The following ZNF385D variants were observed in gnomAD, a reference collection of about 807,000 sequenced individuals.
The protein encoded by ZNF385D is zinc finger protein 385D, also known as zinc finger protein 659.
In ZNF385D, 15 loss-of-function variants were observed where a neutral mutation model predicts 35.8. The observed-to-expected ratio is 0.42, with a 90% CI of 0.28 to 0.64. ZNF385D has a LOEUF of 0.64. Ranked by LOEUF, ZNF385D falls within the 30% of genes least tolerant of loss-of-function variation. ZNF385D has a pLI of 0.23. For synonymous variants in ZNF385D, 212 were observed against 186.8 expected (o/e 1.13, Z -1.10); for missense variants, 474 against 494.6 (o/e 0.96, Z 0.39).
chr3:22,125,111 G>A (rs57587134), intron 3 of ZNF385D, among the ~76,000 whole-genome samples: 3,243 of 152,168 alleles, frequency 0.021, 114 homozygotes, highest in African/African-American at 0.075. Flanking sequence ...AAAGATAGCA[G>A]CTAGTCCCAT....
intron 2 of ZNF385D, among the ~76,000 whole-genome samples, chr3:21,612,674 T>C (rs572658654): frequency 1.3e-5 from 2 of 152,218 alleles, no homozygotes; most frequent in Non-Finnish European, 1.5e-5. Flanking sequence ...AGAGAAACCA[T>C]TGACTCAGAA....
intron 1 of ZNF385D, among the ~76,000 whole-genome samples, chr3:21,675,358 T>C (rs2066693001): frequency 6.6e-6 from 1 of 152,056 alleles, no homozygotes; most frequent in South Asian, 2.1e-4. Context: ...GCAATATTAT[T>C]TCTGCTTCCA....
chr3:21,473,280 C>A, intron 4 of ZNF385D, among the ~76,000 whole-genome samples: 1 of 151,976 alleles, frequency 6.6e-6, no homozygotes, highest in East Asian at 1.9e-4. Flanking sequence ...GGCTCAGCAC[C>A]CATGCCAAAG....
intron 3 of ZNF385D, among the ~76,000 whole-genome samples, chr3:21,781,025 C>A (rs2071468077): frequency 6.6e-6 from 1 of 151,910 alleles, no homozygotes. Context: ...GTTTTGGATC[C>A]CCCATAATTG....
At chr3:22,162,347 T>A (rs151058040) in intron 3 of ZNF385D, among the ~76,000 whole-genome samples, 35 of 152,168 alleles carry the variant, frequency 2.3e-4, no homozygotes, top group Non-Finnish European at 4.1e-4. Flanking sequence ...TACATCTGTA[T>A]AGAAAATCTA....
intron 4 of ZNF385D, among the ~76,000 whole-genome samples, chr3:21,471,883 C>G (rs1703919825): frequency 6.6e-6 from 1 of 151,930 alleles, no homozygotes; most frequent in Non-Finnish European, 1.5e-5. Context: ...TGGAAGAAAA[C>G]ATAATAATTA....
At chr3:22,061,152 T>A (rs1470798074) in intron 3 of ZNF385D, among the ~76,000 whole-genome samples, 1 of 152,152 alleles carries the variant, frequency 6.6e-6, no homozygotes, top group African/African-American at 2.4e-5. Context: ...TTGCAAAGAA[T>A]TATTCTCTCA....
At chr3:21,908,686 T>G (rs1395811784) in intron 3 of ZNF385D, among the ~76,000 whole-genome samples, 1 of 151,974 alleles carries the variant, frequency 6.6e-6, no homozygotes, top group Non-Finnish European at 1.5e-5. Flanking sequence ...CAGAAGAAAT[T>G]CCAGGGAAAG....
chr3:22,139,504 C>T (rs1285459304), intron 3 of ZNF385D, among the ~76,000 whole-genome samples: 1 of 151,850 alleles, frequency 6.6e-6, no homozygotes, highest in Admixed American at 6.6e-5. Context: ...TCTCAGCAAA[C>T]TATTGCAAGG....
intron 3 of ZNF385D, among the ~76,000 whole-genome samples, chr3:21,864,317 T>C (rs558933583): frequency 5.3e-4 from 81 of 152,182 alleles, no homozygotes; most frequent in Non-Finnish European, 9.9e-4. Flanking sequence ...CCATTTACGG[T>C]AAAAAGGGAA....
intron 2 of ZNF385D, among the ~76,000 whole-genome samples, chr3:22,306,919 A>G (rs895078817): frequency 6.6e-6 from 1 of 152,306 alleles, no homozygotes; most frequent in African/African-American, 2.4e-5. Context: ...CATAAAACAC[A>G]GTCCCAGAAA....
chr3:22,336,552 A>C (rs1695168214), intron 2 of ZNF385D, among the ~76,000 whole-genome samples: 1 of 152,058 alleles, frequency 6.6e-6, no homozygotes, highest in African/African-American at 2.4e-5. Flanking sequence ...TACAGAGGAA[A>C]TTATGTATTT....
intron 3 of ZNF385D, among the ~76,000 whole-genome samples, chr3:22,026,854 C>G (rs1469206048): frequency 2.0e-5 from 3 of 152,190 alleles, no homozygotes; most frequent in Admixed American, 2.0e-4. Context: ...CGTCCCCATT[C>G]AACTATTTCA....
chr3:22,235,624 A>G (rs1052574267), intron 2 of ZNF385D, among the ~76,000 whole-genome samples: 1 of 152,134 alleles, frequency 6.6e-6, no homozygotes, highest in African/African-American at 2.4e-5. Context: ...TGATCTGTGC[A>G]GAGAATTTCT....
chr3:21,675,969 T>G (rs1052022586), intron 1 of ZNF385D, among the ~76,000 whole-genome samples: 6 of 152,126 alleles, frequency 3.9e-5, no homozygotes, highest in Non-Finnish European at 8.8e-5. Flanking sequence ...TTCACTTGAT[T>G]GTGAATGTTT....
intron 3 of ZNF385D, among the ~76,000 whole-genome samples, chr3:22,015,079 G>C (rs1052680992): frequency 6.6e-6 from 1 of 151,876 alleles, no homozygotes; most frequent in Admixed American, 6.6e-5. Flanking sequence ...TGTGGCCATA[G>C]GATGGGACTC....
intron 1 of ZNF385D, among the ~76,000 whole-genome samples, chr3:21,683,070 G>A (rs932486994): frequency 6.7e-6 from 1 of 149,726 alleles, no homozygotes; most frequent in African/African-American, 2.5e-5. Context: ...CTGAGTGGGA[G>A]CTGCTAATTT....
chr3:21,780,673 T>C (rs189963539), intron 3 of ZNF385D, among the ~76,000 whole-genome samples: 72 of 152,178 alleles, frequency 4.7e-4, no homozygotes, highest in Middle Eastern at 6.8e-3. Flanking sequence ...CTAATTGTAT[T>C]TTACATTAGA....
intron 3 of ZNF385D, among the ~76,000 whole-genome samples, chr3:22,121,021 A>G (rs973280349): frequency 6.6e-6 from 1 of 152,210 alleles, no homozygotes; most frequent in African/African-American, 2.4e-5. Flanking sequence ...ATAGAAATGC[A>G]AAGTTGCTTT....
Sources: gnomAD v4.1 joint callset for allele counts (sites outside exome capture counted in the v4.1 genomes callset) on GRCh38, gnomAD v4.1.1 for gene constraint, MANE v1.5 for transcripts, NCBI Gene and HGNC (gene_info 2026-07-23, HGNC 2026-07-21) for gene names.